ESF1: variants seen among roughly 807,000 people sequenced by gnomAD.
ESF1 encodes ESF1 homolog.
In ESF1, 58 loss-of-function variants were observed where a neutral mutation model predicts 92.0. That is an observed-to-expected ratio of 0.63 (90% CI 0.51 to 0.78). ESF1 has a LOEUF of 0.78. Ranked by LOEUF, ESF1 falls within the 30% of genes least tolerant of loss-of-function variation. The pLI, the probability that ESF1 is intolerant of heterozygous loss-of-function variation, is 0.00. For missense variants in ESF1, 922 were observed against 989.1 expected, an observed-to-expected ratio of 0.93 and a Z score of 0.91; for synonymous variants, 321 against 313.7, an observed-to-expected ratio of 1.02 and a Z score of -0.24.
chr20:13,771,609 T>C, intron 5 of ESF1, 126 bp from the exon 6 acceptor site: 1 of 700,348 alleles, frequency 1.4e-6, no homozygotes, highest in Non-Finnish European at 2.4e-6. Context: ...CCATCTTTCC[T>C]TCATGACTTT....
Position 13,769,981 on chromosome 20 carries a change from C to G in ESF1, c.1444G>C (p.Asp482His). The G allele has an allele frequency of 6.2e-7, 1 of 1,611,054 alleles. No individual in the cohort carries two copies. Among genetic ancestry groups the G allele is most frequent in the African/African-American group, 1.3e-5 (1 of 74,892 alleles). ...DDITFDDEPK[D>H]VASEVNLTAY... ...GTTAAATTCACTTCTGAGGCTACAT[C>G]CTTAGGCTCATCATCAAAAGTAATA... The change falls in exon 7 of 14, where the codon GAT becomes CAT. Residue 482 changes from aspartate (D) to histidine (H), a missense_variant. By Grantham distance (81) the Asp-to-His change is moderately conservative (BLOSUM62 -1). Coordinates refer to ENST00000617257, the MANE Select transcript of ESF1 (RefSeq NM_001276380.2).
chr20:13,771,235 G>A (rs1979666967), intron 6 of ESF1, 96 bp downstream of exon 6: 2 of 1,191,662 alleles, frequency 1.7e-6, no homozygotes, highest in Non-Finnish European at 2.4e-6. Context: ...AATCATTTTA[G>A]AATATAAAAC....
At chr20:13,742,487 A>T (rs2050020729) in intron 9 of ESF1, among the ~76,000 whole-genome samples, 1 of 152,002 alleles carries the variant, frequency 6.6e-6, no homozygotes, top group African/African-American at 2.4e-5. Context: ...AAAAAAAAAA[A>T]GTTCAACATT....
chr20:13,752,456 T>C (rs542652678), intron 9 of ESF1, among the ~76,000 whole-genome samples: 7 of 152,338 alleles, frequency 4.6e-5, no homozygotes, highest in Admixed American at 2.6e-4. Context: ...GATTCAAAAT[T>C]TTAAACATCT....
At chr20:13,759,664 G>T in intron 9 of ESF1, 28 bp downstream of exon 9, 1 of 1,564,278 alleles carries the variant, frequency 6.4e-7, no homozygotes, top group Non-Finnish European at 8.6e-7. Flanking sequence ...ATTCGAAAAA[G>T]AGAAAACATT....
chr20:13,751,744 C>T (rs1164826883), intron 9 of ESF1, among the ~76,000 whole-genome samples: 1 of 152,194 alleles, frequency 6.6e-6, no homozygotes, highest in Non-Finnish European at 1.5e-5. Flanking sequence ...TGGCTCATGC[C>T]TGTAATCCCA....
chr20:13,774,055 A>G (rs950649638), intron 4 of ESF1, among the ~76,000 whole-genome samples: 2 of 152,016 alleles, frequency 1.3e-5, no homozygotes, highest in Admixed American at 6.6e-5. Flanking sequence ...AGATTGCGCC[A>G]CTGCACTCCA....
intron 8 of ESF1, among the ~76,000 whole-genome samples, chr20:13,760,691 G>A (rs74179718): frequency 0.018 from 2,685 of 151,242 alleles, 48 homozygotes; most frequent in Non-Finnish European, 0.028. Context: ...CAGGCCAGCC[G>A]CCCCGTCTGG....
intron 11 of ESF1, among the ~76,000 whole-genome samples, chr20:13,724,739 T>A (rs931309062): frequency 6.6e-6 from 1 of 152,226 alleles, no homozygotes; most frequent in Admixed American, 6.5e-5. Flanking sequence ...AACTGTATCA[T>A]TCTCATATAT....
At chr20:13,739,304 AATG>A (rs1476235295) in intron 9 of ESF1, among the ~76,000 whole-genome samples, 1 of 152,186 alleles carries the variant, frequency 6.6e-6, no homozygotes, top group African/African-American at 2.4e-5. Context: ...TCTCCCTTGA[AATG>A]ATGTCTTCCA....
At chr20:13,782,009 T>TA (rs2147453022) in intron 2 of ESF1, among the ~76,000 whole-genome samples, 1 of 152,306 alleles carries the variant, frequency 6.6e-6, no homozygotes, top group African/African-American at 2.4e-5. Flanking sequence ...CCCGAATAGC[T>TA]GGGACTACAG....
chr20:13,745,763 C>CT (rs2050044340), intron 9 of ESF1, among the ~76,000 whole-genome samples: 1 of 151,666 alleles, frequency 6.6e-6, no homozygotes, highest in Non-Finnish European at 1.5e-5. Flanking sequence ...AGAATGTTTA[C>CT]TTTTTAAAAA....
chr20:13,731,059 A>G (rs938002048), intron 10 of ESF1, among the ~76,000 whole-genome samples: 2 of 152,154 alleles, frequency 1.3e-5, no homozygotes, highest in African/African-American at 2.4e-5. Context: ...ACACTCAACA[A>G]TGTATTTTGA....
chr20:13,774,739 AATTT>A (rs992469075), intron 4 of ESF1, among the ~76,000 whole-genome samples: 66 of 152,262 alleles, frequency 4.3e-4, no homozygotes, highest in African/African-American at 1.5e-3. Flanking sequence ...AAGTTTTTCA[AATTT>A]ATCAAGTGTT....
chr20:13,766,883 T>G lies in ESF1; in HGVS notation c.1560A>C (p.Thr520=), dbSNP rs1261478203. 1 of 1,613,796 alleles carries G rather than the reference T, an allele frequency of 6.2e-7. No homozygotes were observed. The highest frequency in any genetic ancestry group is 8.5e-7 in the Non-Finnish European group (1 of 1,179,924). ...CCTTTTTAAACTTCCTGTTGAGCAT[T>G]GTAATTCTTTCATGATCAGTCTCAT... ...TWDETDHERI[T]MLNRKFKKEE... is the part of the protein sequence containing the mutation. Residue 520 remains threonine, a synonymous_variant, in exon 8 of 14, where the codon ACA becomes ACC. Coordinates refer to ENST00000617257, the MANE Select transcript of ESF1 (RefSeq NM_001276380.2).
intron 11 of ESF1, among the ~76,000 whole-genome samples, chr20:13,722,282 C>T (rs1294254289): frequency 1.3e-5 from 2 of 151,832 alleles, no homozygotes; most frequent in African/African-American, 2.4e-5. Flanking sequence ...ACATGATATC[C>T]GGTTTTAGCA....
At chr20:13,758,691 T>C (rs896573816) in intron 9 of ESF1, among the ~76,000 whole-genome samples, 3 of 152,250 alleles carry the variant, frequency 2.0e-5, no homozygotes, top group Non-Finnish European at 4.4e-5. Context: ...TAGTGACTAA[T>C]ATAGGCTAAA....
chr20:13,727,840 G>A (rs2049912210), intron 11 of ESF1, among the ~76,000 whole-genome samples: 1 of 152,042 alleles, frequency 6.6e-6, no homozygotes, highest in Admixed American at 6.5e-5. Context: ...GAGTACAAAA[G>A]GGATAAAATG....
intron 8 of ESF1, among the ~76,000 whole-genome samples, chr20:13,763,373 C>T (rs7261919): frequency 0.13 from 19,536 of 149,560 alleles, 1,477 homozygotes; most frequent in African/African-American, 0.21. Flanking sequence ...CAAATTAATG[C>T]TTATTTATTC....
Sources: allele counts gnomAD v4.1 joint callset (sites outside exome capture counted in the v4.1 genomes callset), GRCh38; gene constraint gnomAD v4.1.1; transcripts MANE v1.5; gene names NCBI Gene and HGNC (gene_info 2026-07-23, HGNC 2026-07-21).